Variants in SETBP1 observed in about 807,000 individuals in gnomAD.
SETBP1 encodes SET binding protein 1.
SETBP1 carries 9 observed loss-of-function variants against 101.0 expected under a neutral mutation model. The observed-to-expected ratio is 0.09, with a 90% CI of 0.05 to 0.16. SETBP1 has a LOEUF of 0.16. Ranked by LOEUF, SETBP1 falls within the 10% of genes least tolerant of loss-of-function variation. The probability of loss-of-function intolerance (pLI) is 1.00; values close to 1 mark genes in which losing one functional copy is unlikely to be tolerated. For missense variants in SETBP1, 1,858 were observed against 2,033.8 expected (o/e 0.91, Z 1.66); for synonymous variants, 818 against 788.5 (o/e 1.04, Z -0.63).
At chr18:45,044,965 G>A (rs960806439) in intron 5 of SETBP1, among the ~76,000 whole-genome samples, 1 of 152,126 alleles carries the variant, frequency 6.6e-6, no homozygotes, top group African/African-American at 2.4e-5. Flanking sequence ...TCTTTGCTGG[G>A]CAAAAGTCCA....
intron 2 of SETBP1, among the ~76,000 whole-genome samples, chr18:44,861,890 T>C (rs2069021421): frequency 1.3e-5 from 2 of 152,194 alleles, no homozygotes; most frequent in South Asian, 4.1e-4. Flanking sequence ...CAAACTTCTG[T>C]AGGTTCATTA....
intron 4 of SETBP1, among the ~76,000 whole-genome samples, chr18:44,974,586 G>T (rs1028731438): frequency 6.6e-6 from 1 of 152,170 alleles, no homozygotes; most frequent in African/African-American, 2.4e-5. Context: ...CTCCCCAAAT[G>T]ACTGATGTGG....
At chr18:44,760,684 C>A (rs1178272310) in intron 2 of SETBP1, among the ~76,000 whole-genome samples, 1 of 152,160 alleles carries the variant, frequency 6.6e-6, no homozygotes, top group Non-Finnish European at 1.5e-5. Flanking sequence ...GATAACAATA[C>A]ATTTTTCAGT....
At chr18:45,015,472 C>T (rs1330054880) in intron 4 of SETBP1, among the ~76,000 whole-genome samples, 2 of 152,140 alleles carry the variant, frequency 1.3e-5, no homozygotes, top group Admixed American at 1.3e-4. Context: ...CACACTTAAC[C>T]TTTCGCAGGG....
At chr18:45,053,174 T>G (rs1046304092) in intron 5 of SETBP1, among the ~76,000 whole-genome samples, 47 of 152,110 alleles carry the variant, frequency 3.1e-4, no homozygotes, top group African/African-American at 1.1e-3. Context: ...TTTTTTAATA[T>G]AAATGTGGTG....
intron 5 of SETBP1, among the ~76,000 whole-genome samples, chr18:45,051,438 A>G (rs546898207): frequency 1.3e-5 from 2 of 152,284 alleles, no homozygotes; most frequent in East Asian, 1.9e-4. Context: ...ATAAACCATT[A>G]TGATTCTGAT....
chr18:44,886,769 A>G (rs2069658686), intron 3 of SETBP1, among the ~76,000 whole-genome samples: 1 of 148,042 alleles, frequency 6.8e-6, no homozygotes, highest in Non-Finnish European at 1.5e-5. Flanking sequence ...TATTATTATT[A>G]TTATTATTAT....
rs79988264 is a variant in SETBP1, at chr18:45,038,768, C to T, written c.4171+113C>T. 5,604 of 1,126,750 alleles carry T rather than the reference C, an allele frequency of 5.0e-3. 180 individuals are homozygous for T. The African/African-American group carries it at 0.068, about 14-fold the overall frequency. The allele number at this position is 1,126,750 out of a possible 1,614,324, so 69.8% of individuals were successfully genotyped here. On this transcript the variant is annotated intron_variant, in intron 5 of 5. Coordinates refer to ENST00000649279, the MANE Select transcript of SETBP1 (RefSeq NM_015559.3). ...AGAGTTCTCTGTTTTGCCATCCTCCCCTAGACTCTGAACATGGGAGCCGTT... is the reference window on the plus strand; with the variant it reads ...AGAGTTCTCTGTTTTGCCATCCTCCTCTAGACTCTGAACATGGGAGCCGTT...
At chr18:45,031,207 C>T (rs373271220) in intron 4 of SETBP1, among the ~76,000 whole-genome samples, 103 of 152,166 alleles carry the variant, frequency 6.8e-4, no homozygotes, top group Middle Eastern at 3.4e-3. Flanking sequence ...TTTGAATGGG[C>T]TTTTGTGATT....
intron 4 of SETBP1, among the ~76,000 whole-genome samples, chr18:45,007,770 A>G (rs955164637): frequency 3.3e-5 from 5 of 152,208 alleles, no homozygotes; most frequent in African/African-American, 9.7e-5. Context: ...GTGAAGGCCA[A>G]ACCATTTCAT....
rs544142415 is a variant in SETBP1 at position 44,712,578 on chromosome 18, G to A, written c.486+10746G>A. 2.6e-5 allele frequency among the ~76,000 whole-genome samples: 4 copies of A among 152,272 alleles called. No homozygotes were observed. In the South Asian group the frequency reaches 8.3e-4, roughly 32 times the overall value. On this transcript the variant is annotated intron_variant, in intron 2 of 5. Transcript: ENST00000649279. ...TCTCCATTCTTATCCTTTGGGGGCA[G>A]CATTATGTAGAAACTAACTTATTTG...
intron 1 of SETBP1, among the ~76,000 whole-genome samples, chr18:44,700,297 G>C (rs1015569480): frequency 1.3e-5 from 2 of 151,988 alleles, no homozygotes; most frequent in Non-Finnish European, 2.9e-5. Context: ...AAGATCCTGG[G>C]GGGACTCCTG....
chr18:44,923,576 T>G (rs1191204738), intron 3 of SETBP1, among the ~76,000 whole-genome samples: 4 of 152,228 alleles, frequency 2.6e-5, no homozygotes, highest in Non-Finnish European at 5.9e-5. Context: ...GAGTATGCAT[T>G]TATGAGCCAG....
At chr18:44,805,541 C>T (rs1224110156) in intron 2 of SETBP1, among the ~76,000 whole-genome samples, 2 of 152,190 alleles carry the variant, frequency 1.3e-5, no homozygotes, top group Admixed American at 6.5e-5. Context: ...TTGGACTTCT[C>T]CAAAGGTGTT....
intron 4 of SETBP1, among the ~76,000 whole-genome samples, chr18:44,971,122 G>A (rs550156925): frequency 9.0e-4 from 137 of 151,832 alleles, no homozygotes; most frequent in Admixed American, 2.4e-3. Context: ...GAGAACATGC[G>A]GTGTTTGGTT....
At position 44,867,424 on chromosome 18, in the gene SETBP1, A is replaced by C. The variant is rs143332481; in HGVS notation, c.487-1806A>C. Among the ~76,000 whole-genome samples, 3 of 152,272 alleles carry C rather than the reference A, an allele frequency of 2.0e-5. No homozygotes were observed. The East Asian group carries it at 5.8e-4, about 29-fold the overall frequency. Reference sequence around the variant, plus strand: ...CAAGGCCAAATGCAAGCTCCATCTTATTTCAACAAGCCCACCCTGACTGCT... The same window carrying C: ...CAAGGCCAAATGCAAGCTCCATCTTCTTTCAACAAGCCCACCCTGACTGCT... On this transcript the variant is annotated intron_variant, in intron 2 of 5. Transcript: ENST00000649279.
intron 2 of SETBP1, among the ~76,000 whole-genome samples, chr18:44,783,033 T>A (rs2071166900): frequency 1.3e-5 from 2 of 152,174 alleles, no homozygotes; most frequent in Non-Finnish European, 2.9e-5. Context: ...ATATCTAGAT[T>A]TCTGGGAATT....
At chr18:45,006,138 G>A (rs1781798523) in intron 4 of SETBP1, among the ~76,000 whole-genome samples, 1 of 151,540 alleles carries the variant, frequency 6.6e-6, no homozygotes, top group Admixed American at 6.6e-5. Flanking sequence ...ATTTTTAGTA[G>A]AGACAGGGTT....
chr18:45,049,063 C>T (rs1171989442), intron 5 of SETBP1, among the ~76,000 whole-genome samples: 1 of 151,358 alleles, frequency 6.6e-6, no homozygotes, highest in African/African-American at 2.4e-5. Flanking sequence ...AGGCCTGCCT[C>T]CAAAACATGA....
Sources: gnomAD v4.1 joint callset for allele counts (sites outside exome capture counted in the v4.1 genomes callset) on GRCh38, gnomAD v4.1.1 for gene constraint, MANE v1.5 for transcripts, NCBI Gene and HGNC (gene_info 2026-07-23, HGNC 2026-07-21) for gene names.